Variants in HSPA12A observed in about 807,000 individuals in gnomAD.
HSPA12A encodes heat shock protein family A (Hsp70) member 12A, also known as heat shock 70 kDa protein 12A.
HSPA12A carries 28 observed loss-of-function variants against 69.2 expected under a neutral mutation model. That is an observed-to-expected ratio of 0.40 (90% CI 0.30 to 0.55). HSPA12A has a LOEUF of 0.55. Among genes scored for constraint, HSPA12A ranks in the 20% least tolerant of loss-of-function variants. The pLI is 0.38. For missense variants in HSPA12A, 686 were observed against 900.7 expected (o/e 0.76, Z 3.05); for synonymous variants, 345 against 370.5 (o/e 0.93, Z 0.79).
Position 116,675,342 on chromosome 10 carries a change from C to G in HSPA12A, c.1467G>C (p.Leu489=), listed in dbSNP as rs782310190. The part of the protein sequence containing the change: ...FLVGGFAEAP[L]LQQAVQAAFG... ...AAGCAGCCTGCACCGCCTGCTGCAG[C>G]AGGGGCGCCTCGGCAAAGCCGCCCA... is the stretch of plus-strand genomic sequence containing the variant. The change falls in exon 12 of 12, where the codon CTG becomes CTC. Residue 489 remains leucine (L), a synonymous_variant. Transcript: ENST00000369209. The surrounding 1 kb of genome is among the most constrained non-coding windows in gnomAD (Gnocchi z 5.2). 1.2e-6 allele frequency: 2 copies of G among 1,612,802 alleles called. No homozygotes were observed. The highest frequency in any genetic ancestry group is 1.7e-5 in the Admixed American group (1 of 59,958).
chr10:116,698,071 A>T lies in HSPA12A; in HGVS notation c.546+564T>A, dbSNP rs1045494405. 4 of 152,078 alleles carry T rather than the reference A, an allele frequency of 2.6e-5. No homozygotes were observed. In the South Asian group the frequency reaches 8.4e-4, roughly 32 times the overall value. The allele number at this position is 152,078 out of a possible 1,614,324, so 9.4% of individuals were successfully genotyped here. On this transcript the variant is annotated intron_variant, in intron 5 of 11. Transcript: ENST00000369209. ...ATCACATTTTGTTTCTGGCTGAATA[A>T]CATTCATTGTAAGATAGATCACATT...
chr10:116,813,947 C>A (rs1845248705), intron 2 of HSPA12A, among the ~76,000 whole-genome samples: 1 of 151,970 alleles, frequency 6.6e-6, no homozygotes, highest in Non-Finnish European at 1.5e-5. Flanking sequence ...ACAAACAGAA[C>A]CAAATGACCA....
intron 2 of HSPA12A, among the ~76,000 whole-genome samples, chr10:116,769,325 A>T (rs906363971): frequency 3.3e-5 from 5 of 152,132 alleles, no homozygotes; most frequent in African/African-American, 1.2e-4. Flanking sequence ...TGGTGTCATC[A>T]CCAGACCCTC....
chr10:116,744,375 C>T (rs1054562253), upstream of HSPA12A, among the ~76,000 whole-genome samples: 1 of 152,218 alleles, frequency 6.6e-6, no homozygotes, highest in East Asian at 1.9e-4. Context: ...TCAAGGCACT[C>T]GTTCCTCCCC....
At chr10:116,849,841 G>A, upstream of HSPA12A, 2 of 1,267,070 alleles carry the variant, frequency 1.6e-6, no homozygotes, top group Non-Finnish European at 2.2e-6. Flanking sequence ...CATGCCAGCC[G>A]CCCGGGCCCT....
chr10:116,742,557 G>A lies in HSPA12A; in HGVS notation c.-88C>T. 8.6e-7 allele frequency: 1 copy of A among 1,164,826 alleles called. No homozygotes were observed. Among genetic ancestry groups the A allele is most frequent in the Non-Finnish European group, 1.1e-6 (1 of 945,420 alleles). 72.2% of individuals were successfully genotyped at this position (1,164,826 alleles called of 1,614,324 possible). The stretch of plus-strand genomic sequence containing the variant: ...CTGTCCGCGTCCGCGGCGGCGCTCG[G>A]GCCGTGTCTGAGCCGCCGGGCAGCG... On this transcript the variant is annotated 5_prime_UTR_variant, in exon 1 of 12. Transcript: ENST00000369209.
At chr10:116,813,680 A>G (rs1475624879) in intron 2 of HSPA12A, among the ~76,000 whole-genome samples, 2 of 152,214 alleles carry the variant, frequency 1.3e-5, no homozygotes, top group African/African-American at 4.8e-5. Flanking sequence ...GGAGTTCAAG[A>G]CCAGCCTGGG....
chr10:116,680,118 G>A (rs1849362170), intron 9 of HSPA12A, among the ~76,000 whole-genome samples: 1 of 152,074 alleles, frequency 6.6e-6, no homozygotes, highest in Admixed American at 6.5e-5. Context: ...AGCCTCCCGA[G>A]TAGCTGAGAT....
At chr10:116,783,367 C>T (rs1026468163) in intron 2 of HSPA12A, among the ~76,000 whole-genome samples, 3 of 152,156 alleles carry the variant, frequency 2.0e-5, no homozygotes, top group East Asian at 1.9e-4. Flanking sequence ...CAGTATGGCT[C>T]GGGGCACAGT....
At chr10:116,690,170 C>T (rs17095112) in intron 6 of HSPA12A, among the ~76,000 whole-genome samples, 23,663 of 152,154 alleles carry the variant, frequency 0.16, 2,053 homozygotes, top group South Asian at 0.26. Flanking sequence ...TGTCCTAAGA[C>T]TCTCCAGAAG....
intron 2 of HSPA12A, among the ~76,000 whole-genome samples, chr10:116,828,094 T>C: frequency 6.6e-6 from 1 of 152,244 alleles, no homozygotes; most frequent in East Asian, 1.9e-4. Context: ...TATGTTGTTA[T>C]ACCTCTGCCT....
At chr10:116,764,603 A>G (rs1267483905) in intron 2 of HSPA12A, among the ~76,000 whole-genome samples, 1 of 152,160 alleles carries the variant, frequency 6.6e-6, no homozygotes, top group Non-Finnish European at 1.5e-5. Flanking sequence ...AACAAAATGG[A>G]GGGGGCAGAG....
At chr10:116,711,308 G>A (rs894352977) in intron 1 of HSPA12A, among the ~76,000 whole-genome samples, 9 of 152,230 alleles carry the variant, frequency 5.9e-5, no homozygotes, top group African/African-American at 2.4e-5. Flanking sequence ...ACTAGGAACA[G>A]AAGAGAAAGG....
intron 2 of HSPA12A, among the ~76,000 whole-genome samples, chr10:116,834,381 C>T (rs957295743): frequency 6.6e-6 from 1 of 152,160 alleles, no homozygotes; most frequent in Non-Finnish European, 1.5e-5. Flanking sequence ...GGTGGCATCT[C>T]CCCCTCCCTT....
rs886448616 is a variant in HSPA12A at position 116,816,548 on chromosome 10, C to T, written c.91+18387G>A. Reference sequence around the variant, plus strand: ...AGCAGAGAAGGCGCCATGTGGCTCACGCACCTGACTTCCTAACCTTAAGCT... The same window carrying T: ...AGCAGAGAAGGCGCCATGTGGCTCATGCACCTGACTTCCTAACCTTAAGCT... On this transcript the variant is annotated intron_variant, in intron 2 of 12. Coordinates refer to the HSPA12A transcript ENST00000635765. Among the ~76,000 whole-genome samples, 21 of 152,344 alleles carry T rather than the reference C, an allele frequency of 1.4e-4. No homozygotes were observed. The East Asian group carries it at 2.1e-3, about 15-fold the overall frequency.
Position 116,692,348 on chromosome 10 carries a change from C to T in HSPA12A, c.663+3G>A, listed in dbSNP as rs375656928. 24 of 1,612,134 alleles carry T rather than the reference C, an allele frequency of 1.5e-5. No individual in the cohort carries two copies. In the African/African-American group the frequency reaches 2.9e-4, roughly 20 times the overall value. ...CTTCCACCCGCCCTGACTCTACCCT[C>T]ACCTGGTAGGCAGCTTGTCTCATGA... On this transcript the variant is annotated splice_donor_region_variant and intron_variant, in intron 6 of 11. Transcript: ENST00000369209.
At chr10:116,806,895 T>C (rs1415522376) in intron 2 of HSPA12A, among the ~76,000 whole-genome samples, 3 of 152,204 alleles carry the variant, frequency 2.0e-5, no homozygotes, top group Non-Finnish European at 4.4e-5. Context: ...ATTAAGGATT[T>C]GGAGATGAGG....
intron 6 of HSPA12A, among the ~76,000 whole-genome samples, chr10:116,691,113 T>G (rs1849724403): frequency 6.6e-6 from 1 of 152,164 alleles, no homozygotes; most frequent in Admixed American, 6.6e-5. Flanking sequence ...TCCACCCTCT[T>G]CCTTCATCCC....
chr10:116,816,634 C>T (rs542334548), intron 2 of HSPA12A, among the ~76,000 whole-genome samples: 4 of 152,324 alleles, frequency 2.6e-5, no homozygotes, highest in South Asian at 2.1e-4. Context: ...AAAACAGCCC[C>T]GACATCCAAT....
Sources: gnomAD v4.1 joint callset for allele counts (sites outside exome capture counted in the v4.1 genomes callset) on GRCh38, gnomAD v4.1.1 for gene constraint, Gnocchi (gnomAD v3.1) non-coding constraint, MANE v1.5 for transcripts, NCBI Gene and HGNC (gene_info 2026-07-23, HGNC 2026-07-21) for gene names.